Variants in CIRSR observed in about 807,000 individuals in gnomAD.
CIRSR encodes the protein corepressor of RBPJ and splicing regulator.
the CIRSR span, among the ~76,000 whole-genome samples, chr2:174,383,864 A>AT: frequency 6.6e-6 from 1 of 151,448 alleles, no homozygotes; most frequent in Non-Finnish European, 1.5e-5. Context: ...AAAAAAAAAA[A>AT]AAAGAAAATA....
At chr2:174,394,049 A>G in the CIRSR span, among the ~76,000 whole-genome samples, 4 of 152,256 alleles carry the variant, frequency 2.6e-5, no homozygotes, top group African/African-American at 7.2e-5. Flanking sequence ...TACATTTTAC[A>G]TAACACTTTA....
At chr2:174,349,567 A>T in the CIRSR span, among the ~76,000 whole-genome samples, 2 of 33,574 alleles carry the variant, frequency 6.0e-5, no homozygotes, top group Admixed American at 5.7e-4. Flanking sequence ...TCTGTCTTAA[A>T]AAAAAAAAAA....
chr2:174,350,302 C>T, the CIRSR span, among the ~76,000 whole-genome samples: 1 of 152,194 alleles, frequency 6.6e-6, no homozygotes, highest in South Asian at 2.1e-4. Flanking sequence ...TCTGCATTCT[C>T]ATAAAATTTT....
At chr2:174,362,101 T>C in the CIRSR span, among the ~76,000 whole-genome samples, 325 of 152,178 alleles carry the variant, frequency 2.1e-3, 3 homozygotes, top group African/African-American at 7.5e-3. Flanking sequence ...AGTTTGAGAC[T>C]AGCCTGGGCA....
chr2:174,380,762 A>G, the CIRSR span: 2 of 1,604,652 alleles, frequency 1.2e-6, no homozygotes, highest in Admixed American at 3.4e-5. Flanking sequence ...ATATAATACA[A>G]TCAACTGCAA....
chr2:174,352,324 G>C, the CIRSR span, among the ~76,000 whole-genome samples: 1 of 152,066 alleles, frequency 6.6e-6, no homozygotes, highest in Non-Finnish European at 1.5e-5. Flanking sequence ...AGCTTGGGTT[G>C]CTAACAAGCA....
chr2:174,378,046 C>T, the CIRSR span, among the ~76,000 whole-genome samples: 14 of 152,122 alleles, frequency 9.2e-5, no homozygotes, highest in Non-Finnish European at 1.8e-4. Context: ...GGAGGTGCAT[C>T]ACAGGCCTTG....
At chr2:174,370,091 AT>A in the CIRSR span, 4 of 1,331,616 alleles carry the variant, frequency 3.0e-6, no homozygotes, top group South Asian at 4.8e-5. Context: ...TTCATCCACT[AT>A]CACTGCTGGT....
the CIRSR span, among the ~76,000 whole-genome samples, chr2:174,388,093 A>G: frequency 6.6e-6 from 1 of 152,276 alleles, no homozygotes; most frequent in Non-Finnish European, 1.5e-5. Context: ...CATGTGACCC[A>G]CAGGCCAAGA....
At chr2:174,367,947 T>C in the CIRSR span, among the ~76,000 whole-genome samples, 1 of 152,036 alleles carries the variant, frequency 6.6e-6, no homozygotes, top group Non-Finnish European at 1.5e-5. Context: ...GACAAGTAGA[T>C]TTCAGAGCAA....
the CIRSR span, chr2:174,379,185 T>C: frequency 1.6e-6 from 1 of 618,082 alleles, no homozygotes; most frequent in East Asian, 2.8e-5. Context: ...GTTTGGTAAT[T>C]TAATACAAAG....
chr2:174,373,844 A>G, the CIRSR span, among the ~76,000 whole-genome samples: 4 of 17,150 alleles, frequency 2.3e-4, no homozygotes, highest in Non-Finnish European at 5.5e-4. Context: ...GTGTGTGTGT[A>G]TGTTTTGCCT....
the CIRSR span, among the ~76,000 whole-genome samples, chr2:174,352,214 C>CACACACACACACACAT: frequency 6.6e-6 from 1 of 151,574 alleles, no homozygotes; most frequent in African/African-American, 2.4e-5. Context: ...ATCACACACA[C>CACACACACACACACAT]ACACACACAC....
At chr2:174,386,203 C>T in the CIRSR span, among the ~76,000 whole-genome samples, 9 of 151,976 alleles carry the variant, frequency 5.9e-5, no homozygotes, top group African/African-American at 1.2e-4. Flanking sequence ...TTATCTGAGA[C>T]GGAGTTTCGC....
At chr2:174,355,866 G>A in the CIRSR span, among the ~76,000 whole-genome samples, 1 of 152,114 alleles carries the variant, frequency 6.6e-6, no homozygotes, top group Non-Finnish European at 1.5e-5. Context: ...CAGTCCCAGG[G>A]GAATGCCACA....
chr2:174,376,443 C>T, the CIRSR span, among the ~76,000 whole-genome samples: 2 of 152,026 alleles, frequency 1.3e-5, no homozygotes, highest in African/African-American at 4.8e-5. Flanking sequence ...TAAGAGGGTT[C>T]CAAAAATGTC....
chr2:174,383,439 G>C, the CIRSR span, among the ~76,000 whole-genome samples: 2 of 152,086 alleles, frequency 1.3e-5, no homozygotes, highest in Non-Finnish European at 2.9e-5. Context: ...ATCAAAATCA[G>C]CTGGGCACGG....
chr2:174,362,362 T>C, the CIRSR span, among the ~76,000 whole-genome samples: 3 of 127,928 alleles, frequency 2.3e-5, no homozygotes, highest in Non-Finnish European at 5.7e-5. Flanking sequence ...ACTAGAAATA[T>C]ATAATAAACT....
the CIRSR span, among the ~76,000 whole-genome samples, chr2:174,384,600 T>G: frequency 7.2e-5 from 11 of 151,756 alleles, no homozygotes; most frequent in South Asian, 1.0e-3. Context: ...TTTTTTGGGG[T>G]TTTTTTTAGA....
Sources: allele counts gnomAD v4.1 joint callset (sites outside exome capture counted in the v4.1 genomes callset), GRCh38; gene constraint gnomAD v4.1.1; transcripts MANE v1.5; gene names NCBI Gene and HGNC (gene_info 2026-07-23, HGNC 2026-07-21).